Variants in COG6 observed in about 807,000 individuals in gnomAD.
COG6 encodes conserved oligomeric Golgi complex subunit 6.
A neutral mutation model predicts 88.8 loss-of-function variants in COG6; 74 were observed. That is an observed-to-expected ratio of 0.83 (90% CI 0.69 to 1.01). The LOEUF (loss-of-function observed/expected upper bound fraction) is 1.01, where lower values mean the gene tolerates loss of function less well. Ranked by LOEUF, COG6 falls within the 50% of genes least tolerant of loss-of-function variation. The pLI is 0.00. For synonymous variants in COG6, 286 were observed against 278.7 expected (o/e 1.03, Z -0.26); for missense variants, 800 against 797.9 (o/e 1.00, Z -0.03).
At chr13:39,790,601 A>G (rs1400040404) in exon 19 of COG6, 2 of 152,096 alleles carry the variant, frequency 1.3e-5, no homozygotes, top group Non-Finnish European at 2.9e-5. Context: ...GCATTCTCAT[A>G]AACTAAGAAT....
rs113414608 is a variant in COG6, at chr13:39,750,858, G to A, written c.1827-88G>A. ...TGTGATGATAATGAAAATGAAATGT[G>A]TTGATTGAAGTGTCAAGCTGTCTTA... On this transcript the variant is annotated intron_variant, in intron 18 of 18. Transcript: ENST00000455146. 3.6e-4 allele frequency: 342 copies of A among 945,510 alleles called. 1 individual carries two copies. In the African/African-American group the frequency reaches 4.7e-3, roughly 13 times the overall value. 58.6% of individuals were successfully genotyped at this position (945,510 alleles called of 1,614,324 possible).
chr13:39,655,667 C>T lies in COG6; in HGVS notation c.-60C>T, dbSNP rs780847811. 25 of 1,539,088 alleles carry T rather than the reference C, an allele frequency of 1.6e-5. No homozygotes were observed. The East Asian group carries it at 4.2e-4, about 26-fold the overall frequency. On this transcript the variant is annotated 5_prime_UTR_variant, in exon 1 of 19. Coordinates refer to ENST00000455146, the MANE Select transcript of COG6 (RefSeq NM_020751.3). The stretch of plus-strand genomic sequence containing the variant: ...CCGATTTGCACATGCGCAATACTCG[C>T]GCTGCCTCCGTGGTCCCTGCCTGGC...
At chr13:39,768,980 A>G (rs1270653386) in intron 18 of COG6, among the ~76,000 whole-genome samples, 1 of 152,140 alleles carries the variant, frequency 6.6e-6, no homozygotes, top group Non-Finnish European at 1.5e-5. Context: ...TTAAGGTAAA[A>G]TTATTCTGTA....
intron 13 of COG6, among the ~76,000 whole-genome samples, chr13:39,700,193 T>A (rs1028099896): frequency 1.3e-5 from 2 of 151,862 alleles, no homozygotes; most frequent in Admixed American, 6.6e-5. Context: ...AAATCCTTCT[T>A]TATTTTTGTT....
intron 13 of COG6, among the ~76,000 whole-genome samples, chr13:39,715,535 G>C (rs544193371): frequency 4.6e-5 from 7 of 151,946 alleles, no homozygotes; most frequent in Non-Finnish European, 1.0e-4. Context: ...TAGAATGCTA[G>C]CAGATCTTTC....
rs1011785036 is a variant in COG6 at position 39,730,729 on chromosome 13, G to A, written c.1826+3181G>A. ...GTGGAGGTTGCAGTGAGCCGCAGTC[G>A]CACCACTGCCCTCCAGCCTGGGCGA... On this transcript the variant is annotated intron_variant, in intron 18 of 18. Transcript: ENST00000455146. Among the ~76,000 whole-genome samples, 3 of 113,740 alleles carry A rather than the reference G, an allele frequency of 2.6e-5. No individual in the cohort carries two copies. The Admixed American group carries it at 3.9e-4, about 15-fold the overall frequency. The allele number at this position is 113,740 out of a possible 152,430, so 74.6% of individuals were successfully genotyped here. A position where few individuals can be genotyped will look rare whatever the true frequency, so the allele number is the denominator to read the frequency against.
At chr13:39,698,676 C>T (rs1877407873) in intron 12 of COG6, among the ~76,000 whole-genome samples, 1 of 151,878 alleles carries the variant, frequency 6.6e-6, no homozygotes, top group African/African-American at 2.4e-5. Context: ...TCATCTTTAA[C>T]AATCTAAAAT....
At chr13:39,735,008 A>AT (rs1182307672) in intron 18 of COG6, among the ~76,000 whole-genome samples, 12 of 150,566 alleles carry the variant, frequency 8.0e-5, no homozygotes, top group South Asian at 6.3e-4. Flanking sequence ...TAGATGAAGT[A>AT]TTTTTTTTGT....
At chr13:39,712,627 A>G (rs938264322) in intron 13 of COG6, among the ~76,000 whole-genome samples, 1 of 152,234 alleles carries the variant, frequency 6.6e-6, no homozygotes, top group South Asian at 2.1e-4. Context: ...ACGTTCTCAC[A>G]TGTCATTTTA....
intron 18 of COG6, among the ~76,000 whole-genome samples, chr13:39,764,171 G>A (rs940623550): frequency 6.6e-6 from 1 of 151,744 alleles, no homozygotes; most frequent in Non-Finnish European, 1.5e-5. Flanking sequence ...TCATCTAACC[G>A]TTTTTGTCAT....
At chr13:39,715,493 T>A (rs904525208) in intron 13 of COG6, among the ~76,000 whole-genome samples, 2 of 152,112 alleles carry the variant, frequency 1.3e-5, no homozygotes, top group South Asian at 2.1e-4. Flanking sequence ...TGCTCTGGTT[T>A]CTATAGCTGT....
chr13:39,748,252 T>G (rs574555385), intron 18 of COG6, among the ~76,000 whole-genome samples: 152 of 152,312 alleles, frequency 1.0e-3, no homozygotes, highest in African/African-American at 3.2e-3. Context: ...AAATAATTTT[T>G]GCATTATTTT....
chr13:39,765,487 A>ATC (rs1881137208), intron 18 of COG6, among the ~76,000 whole-genome samples: 1 of 152,226 alleles, frequency 6.6e-6, no homozygotes, highest in Non-Finnish European at 1.5e-5. Flanking sequence ...ACTAGAAATA[A>ATC]TCTTATTTCA....
At chr13:39,749,242 C>A (rs1447970363) in intron 18 of COG6, among the ~76,000 whole-genome samples, 2 of 152,144 alleles carry the variant, frequency 1.3e-5, no homozygotes, top group Non-Finnish European at 2.9e-5. Flanking sequence ...GGAAAAAGTT[C>A]TTTTTCTCCA....
chr13:39,673,531 A>G (rs1041943610), intron 4 of COG6, among the ~76,000 whole-genome samples: 13 of 152,166 alleles, frequency 8.5e-5, no homozygotes, highest in African/African-American at 3.1e-4. Context: ...AAAAAATTAT[A>G]GAAATACTTT....
Position 39,676,803 on chromosome 13 carries a change from C to A in COG6, c.429-665C>A, listed in dbSNP as rs562474410. On this transcript the variant is annotated intron_variant, in intron 4 of 18. Transcript: ENST00000455146. ...AGTTTCTGTTCAAGTAGTTTGTGTT[C>A]CTAACTTGCCTGTGGGTATTGATTC... is the stretch of plus-strand genomic sequence containing the variant. 4.6e-5 allele frequency among the ~76,000 whole-genome samples: 7 copies of A among 152,160 alleles called. No homozygotes were observed. The South Asian group carries it at 1.5e-3, about 32-fold the overall frequency.
chr13:39,706,490 A>C (rs1433209433), intron 13 of COG6, among the ~76,000 whole-genome samples: 1 of 151,588 alleles, frequency 6.6e-6, no homozygotes, highest in Non-Finnish European at 1.5e-5. Context: ...AGCTTTTGGA[A>C]TTTTTATGGT....
At chr13:39,691,827 C>T (rs555463792) in intron 11 of COG6, among the ~76,000 whole-genome samples, 1 of 152,046 alleles carries the variant, frequency 6.6e-6, no homozygotes, top group South Asian at 2.1e-4. Flanking sequence ...TAATCCCACT[C>T]ATACAAAATT....
intron 18 of COG6, among the ~76,000 whole-genome samples, chr13:39,765,399 T>G (rs545949724): frequency 6.6e-6 from 1 of 152,214 alleles, no homozygotes; most frequent in Non-Finnish European, 1.5e-5. Context: ...ATTGGGTGAG[T>G]GGGATTCTGT....
Sources: gnomAD v4.1 joint callset for allele counts (sites outside exome capture counted in the v4.1 genomes callset) on GRCh38, gnomAD v4.1.1 for gene constraint, MANE v1.5 for transcripts, NCBI Gene and HGNC (gene_info 2026-07-23, HGNC 2026-07-21) for gene names.